The following LRRC4C variants were observed in gnomAD, a reference collection of about 807,000 sequenced individuals.
LRRC4C encodes the protein leucine-rich repeat-containing protein 4C.
Under a neutral mutation model 33.6 loss-of-function variants are expected in LRRC4C, and 5 were observed. That is an observed-to-expected ratio of 0.15 (90% CI 0.08 to 0.31). The LOEUF (loss-of-function observed/expected upper bound fraction) is 0.31. Ranked by LOEUF, LRRC4C falls within the 10% of genes least tolerant of loss-of-function variation. LRRC4C has a pLI of 1.00. For missense variants in LRRC4C, 560 were observed against 796.7 expected, an observed-to-expected ratio of 0.70 and a Z score of 3.58; for synonymous variants, 329 against 302.0, an observed-to-expected ratio of 1.09 and a Z score of -0.93.
chr11:40,742,476 C>A (rs1334458701), intron 2 of LRRC4C, among the ~76,000 whole-genome samples: 1 of 151,904 alleles, frequency 6.6e-6, no homozygotes, highest in Admixed American at 6.6e-5. Flanking sequence ...GCACCTGTGT[C>A]TGTTAAATAA....
chr11:41,122,954 G>A (rs1053071855), intron 1 of LRRC4C: 2 of 152,074 alleles, frequency 1.3e-5, no homozygotes, highest in African/African-American at 4.8e-5. Context: ...CTTGTATGGT[G>A]GTCATGCTAG....
At chr11:41,112,447 G>C (rs1490744850) in intron 1 of LRRC4C, among the ~76,000 whole-genome samples, 1 of 152,032 alleles carries the variant, frequency 6.6e-6, no homozygotes, top group Non-Finnish European at 1.5e-5. Flanking sequence ...GGGGTTGTTT[G>C]CAGGAAGGTT....
At chr11:40,562,035 A>G (rs1015566245) in intron 3 of LRRC4C, among the ~76,000 whole-genome samples, 4 of 152,222 alleles carry the variant, frequency 2.6e-5, no homozygotes, top group Non-Finnish European at 5.9e-5. Context: ...TATCACCCAC[A>G]TAGGTGGTCT....
At chr11:41,083,345 C>A (rs1939719510) in intron 1 of LRRC4C, among the ~76,000 whole-genome samples, 1 of 152,046 alleles carries the variant, frequency 6.6e-6, no homozygotes, top group South Asian at 2.1e-4. Context: ...GGAATTATTT[C>A]TTGAAATAAT....
At chr11:40,123,941 T>C (rs889813903) in intron 6 of LRRC4C, among the ~76,000 whole-genome samples, 5 of 152,134 alleles carry the variant, frequency 3.3e-5, no homozygotes, top group Non-Finnish European at 7.4e-5. Flanking sequence ...TCCATACATC[T>C]ACAGTGAACT....
intron 1 of LRRC4C, among the ~76,000 whole-genome samples, chr11:41,306,466 A>G (rs2137141070): frequency 6.6e-6 from 1 of 152,352 alleles, no homozygotes; most frequent in East Asian, 1.9e-4. Flanking sequence ...TTGGAAATGT[A>G]AAGAGTGGCA....
At chr11:40,154,157 C>T (rs2135150850) in intron 5 of LRRC4C, among the ~76,000 whole-genome samples, 1 of 152,096 alleles carries the variant, frequency 6.6e-6, no homozygotes, top group East Asian at 1.9e-4. Flanking sequence ...CAATTATCAG[C>T]CAAGAATTTT....
chr11:40,661,398 C>A (rs1314592807), intron 2 of LRRC4C, among the ~76,000 whole-genome samples: 1 of 152,156 alleles, frequency 6.6e-6, no homozygotes, highest in Non-Finnish European at 1.5e-5. Flanking sequence ...CATACAACAA[C>A]TGTTTGAGCT....
At position 41,342,246 on chromosome 11, in the gene LRRC4C, G is replaced by T. The variant is rs149613082; in HGVS notation, c.-496+117185C>A. Among the ~76,000 whole-genome samples, 316 of 152,260 alleles carry T rather than the reference G, an allele frequency of 2.1e-3. 1 individual carries two copies. The highest frequency in any genetic ancestry group is 7.1e-3 in the African/African-American group (296 of 41,542). On this transcript the variant is annotated intron_variant, in intron 1 of 6. Transcript: ENST00000528697. Reference sequence around the variant, plus strand: ...TCCTAGACTATCTTAGTTCAGACAGGTCTATTATGCTATTAGGTCATTAAT... The same window carrying T: ...TCCTAGACTATCTTAGTTCAGACAGTTCTATTATGCTATTAGGTCATTAAT...
intron 3 of LRRC4C, among the ~76,000 whole-genome samples, chr11:40,320,301 C>G (rs916622997): frequency 6.6e-6 from 1 of 152,020 alleles, no homozygotes; most frequent in Non-Finnish European, 1.5e-5. Flanking sequence ...GTCAGGAGAT[C>G]GAGACCATCC....
At chr11:40,935,718 T>C (rs1300183588) in intron 1 of LRRC4C, among the ~76,000 whole-genome samples, 1 of 151,976 alleles carries the variant, frequency 6.6e-6, no homozygotes, top group African/African-American at 2.4e-5. Flanking sequence ...TTTTAGAATG[T>C]ATTCCCAAGA....
intron 5 of LRRC4C, among the ~76,000 whole-genome samples, chr11:40,240,865 A>C (rs1481069579): frequency 2.0e-5 from 3 of 152,250 alleles, no homozygotes; most frequent in Non-Finnish European, 4.4e-5. Flanking sequence ...TAGTTTTAGA[A>C]TGTAATATAG....
At chr11:41,046,155 T>C (rs1376679382) in intron 1 of LRRC4C, among the ~76,000 whole-genome samples, 1 of 152,154 alleles carries the variant, frequency 6.6e-6, no homozygotes, top group Non-Finnish European at 1.5e-5. Flanking sequence ...AATAACTCTA[T>C]ATTATCTTTA....
chr11:41,183,085 C>T (rs1423816766), intron 1 of LRRC4C, among the ~76,000 whole-genome samples: 1 of 152,076 alleles, frequency 6.6e-6, no homozygotes, highest in Non-Finnish European at 1.5e-5. Context: ...TTACCTCCCA[C>T]TGGGTCCCTC....
intron 3 of LRRC4C, among the ~76,000 whole-genome samples, chr11:40,337,068 C>T (rs532317947): frequency 4.3e-4 from 64 of 147,892 alleles, no homozygotes; most frequent in Middle Eastern, 3.7e-3. Context: ...AAGAAGCGCA[C>T]ATCCGAAGCG....
chr11:40,886,454 C>CT, intron 2 of LRRC4C, among the ~76,000 whole-genome samples: 1 of 150,802 alleles, frequency 6.6e-6, no homozygotes, highest in Non-Finnish European at 1.5e-5. Flanking sequence ...CTCTCACAAA[C>CT]CTCACACCTG....
chr11:41,200,261 T>C (rs959278812), intron 1 of LRRC4C, among the ~76,000 whole-genome samples: 27 of 152,142 alleles, frequency 1.8e-4, no homozygotes, highest in African/African-American at 6.5e-4. Context: ...AAATACTTTT[T>C]TGACAAAGGA....
intron 3 of LRRC4C, among the ~76,000 whole-genome samples, chr11:40,465,439 C>T (rs1378545557): frequency 1.3e-5 from 2 of 151,666 alleles, no homozygotes; most frequent in Non-Finnish European, 3.0e-5. Flanking sequence ...GCAAATGCAA[C>T]AAAACCAAAA....
intron 1 of LRRC4C, among the ~76,000 whole-genome samples, chr11:41,290,816 A>C (rs897762675): frequency 1.3e-5 from 2 of 152,160 alleles, no homozygotes; most frequent in Non-Finnish European, 2.9e-5. Flanking sequence ...CAAAGGTCTT[A>C]GTACAATCCA....
Sources: allele counts gnomAD v4.1 joint callset (sites outside exome capture counted in the v4.1 genomes callset), GRCh38; gene constraint gnomAD v4.1.1; transcripts MANE v1.5; gene names NCBI Gene and HGNC (gene_info 2026-07-23, HGNC 2026-07-21).